The following SEMA4D variants were observed in gnomAD, a reference collection of about 807,000 sequenced individuals.
SEMA4D encodes semaphorin 4D.
Under a neutral mutation model 74.8 loss-of-function variants are expected in SEMA4D, and 22 were observed. The observed-to-expected ratio is 0.29, with a 90% CI of 0.21 to 0.42. The LOEUF is 0.42. SEMA4D is among the 10% of genes least tolerant of loss of function. SEMA4D has a pLI of 1.00. For synonymous variants in SEMA4D, 445 were observed against 463.7 expected, an observed-to-expected ratio of 0.96 and a Z score of 0.52; for missense variants, 937 against 1,118.4, an observed-to-expected ratio of 0.84 and a Z score of 2.31.
chr9:89,364,307 C>T, intron 16 of SEMA4D: 1 of 371,556 alleles, frequency 2.7e-6, no homozygotes, highest in South Asian at 2.3e-5. Flanking sequence ...CCTGCTGCCA[C>T]ACACATGTCC....
chr9:89,419,168 C>T (rs1165310605), intron 2 of SEMA4D, among the ~76,000 whole-genome samples: 1 of 152,160 alleles, frequency 6.6e-6, no homozygotes, highest in African/African-American at 2.4e-5. Context: ...AAATGAACCG[C>T]GAGGGCAGTG....
intron 1 of SEMA4D, among the ~76,000 whole-genome samples, chr9:89,480,183 A>G (rs1824439498): frequency 6.6e-6 from 1 of 152,016 alleles, no homozygotes; most frequent in Admixed American, 6.6e-5. Context: ...TCCCTGAGCT[A>G]GATATAAAGG....
At chr9:89,424,299 C>T (rs1020496375) in intron 2 of SEMA4D, among the ~76,000 whole-genome samples, 2 of 152,214 alleles carry the variant, frequency 1.3e-5, no homozygotes, top group African/African-American at 4.8e-5. Context: ...GCGGCCCACA[C>T]CAAGGTGCGG....
chr9:89,383,523 C>G (rs1450866610), intron 13 of SEMA4D, among the ~76,000 whole-genome samples: 2 of 152,262 alleles, frequency 1.3e-5, no homozygotes, highest in East Asian at 3.9e-4. Flanking sequence ...AGGAACAGAG[C>G]AGAAGCCGAG....
At chr9:89,457,241 CA>C (rs58717267) in intron 1 of SEMA4D, among the ~76,000 whole-genome samples, 1,808 of 152,228 alleles carry the variant, frequency 0.012, 32 homozygotes, top group African/African-American at 0.041. Context: ...CAGCGCCTGA[CA>C]GGTGGGGAGC....
At chr9:89,485,806 A>T (rs1337707442) in intron 1 of SEMA4D, among the ~76,000 whole-genome samples, 1 of 109,022 alleles carries the variant, frequency 9.2e-6, no homozygotes, top group Non-Finnish European at 2.1e-5. Flanking sequence ...AAAAAAAAAA[A>T]AAAAAAAAGA....
chr9:89,415,564 C>A (rs776345407), intron 2 of SEMA4D, among the ~76,000 whole-genome samples: 1 of 152,182 alleles, frequency 6.6e-6, no homozygotes, highest in Non-Finnish European at 1.5e-5. Flanking sequence ...GGAAGTAGTG[C>A]CCCTATAAAA....
chr9:89,381,436 G>A lies in SEMA4D; in HGVS notation c.1447-90C>T. ...CTTCTGCACCAGTGTGTGGGAAGCA[G>A]CCAGAGTGTACCTTCAGGGGACATT... On this transcript the variant is annotated intron_variant, in intron 13 of 15. Transcript: ENST00000422704. This position sits in a 1 kb window ranked among gnomAD's most constrained non-coding sequence, Gnocchi z 4.6. The A allele has an allele frequency of 7.8e-7, 1 of 1,276,770 alleles. No homozygotes were observed. Among genetic ancestry groups the A allele is most frequent in the Admixed American group, 2.9e-5 (1 of 34,488 alleles). The allele number at this position is 1,276,770 out of a possible 1,614,324, so 79.1% of individuals were successfully genotyped here.
At chr9:89,388,405 C>G (rs1309288270) in intron 11 of SEMA4D, among the ~76,000 whole-genome samples, 1 of 152,260 alleles carries the variant, frequency 6.6e-6, no homozygotes, top group Non-Finnish European at 1.5e-5. Flanking sequence ...GTTAATTGTG[C>G]AAAACAGCTG....
At chr9:89,371,537 GGGGTGTGTTT>G (rs1299443790) in intron 16 of SEMA4D, among the ~76,000 whole-genome samples, 27 of 27,160 alleles carry the variant, frequency 9.9e-4, no homozygotes, top group Non-Finnish European at 1.4e-3. Flanking sequence ...TGTGTGTGTG[GGGGTGTGTTT>G]GGGGTGTGGT....
rs879523341 is a variant in SEMA4D, at chr9:89,378,931, T to C, written c.2362A>G (p.Ser788Gly). The change falls in exon 16 of 16, where the codon AGC becomes GGC. Residue 788 changes from serine (S) to glycine (G), a missense_variant. Ser to Gly is a moderately conservative substitution (Grantham distance 56). Coordinates refer to ENST00000422704, the MANE Select transcript of SEMA4D (RefSeq NM_001371194.2). ...PKSDFCDREQ[S>G]LKETLVEPGS... The stretch of plus-strand genomic sequence containing the variant: ...GGCTCTACTAACGTCTCCTTCAGGC[T>C]CTGCTCACGGTCACAGAAATCTGAC... 9.9e-6 allele frequency: 16 copies of C among 1,614,124 alleles called. No homozygotes were observed. The Admixed American group carries it at 2.5e-4, about 25-fold the overall frequency.
Position 89,484,988 on chromosome 9 carries a change from T to TGTG in SEMA4D, c.-310+12930_-310+12931insCAC, listed in dbSNP as rs1825061107. On this transcript the variant is annotated intron_variant, in intron 1 of 15. Coordinates refer to ENST00000422704, the MANE Select transcript of SEMA4D (RefSeq NM_001371194.2). This position sits in a 1 kb window ranked among gnomAD's most constrained non-coding sequence, Gnocchi z 4.1. ...GGTGGAGGCATATGTGTGTAGTATG[T>TGTG]TGTGTGTGTGTGTGTGTGTGTGTTC... Among the ~76,000 whole-genome samples, 2 of 149,724 alleles carry TGTG rather than the reference T, an allele frequency of 1.3e-5. No homozygotes were observed. The highest frequency in any genetic ancestry group is 4.9e-5 in the African/African-American group (2 of 40,604).
intron 1 of SEMA4D, among the ~76,000 whole-genome samples, chr9:89,482,088 G>A (rs913227175): frequency 6.6e-6 from 1 of 152,202 alleles, no homozygotes; most frequent in African/African-American, 2.4e-5. Context: ...AAAGTAGTGG[G>A]CCATGGAGCC....
chr9:89,388,949 A>G lies in SEMA4D; in HGVS notation c.873T>C (p.Asn291=), dbSNP rs1839190620. The G allele has an allele frequency of 1.3e-5, 21 of 1,613,954 alleles. No homozygotes were observed. Among genetic ancestry groups the G allele is most frequent in the Non-Finnish European group, 1.7e-5 (20 of 1,179,962 alleles). Residue 291 remains asparagine (N), a synonymous_variant, in exon 10 of 16, where the codon AAT becomes AAC. Coordinates refer to ENST00000422704, the MANE Select transcript of SEMA4D (RefSeq NM_001371194.2). ...CSRPDSGLVF[N]VLRDVFVLRS... is the part of the protein sequence containing the mutation. ...TGAGCACGAAGACATCCCGCAGCAC[A>G]TTGAAGACCAAGCCGCTGTCTGGCC...
rs143607659 is a variant in SEMA4D, at chr9:89,423,883, T to C, written c.-243-18184A>G. On this transcript the variant is annotated intron_variant, in intron 2 of 15. Transcript: ENST00000422704. ...CTCAGCACCTCCCCTCCCTCAGCTATTCCCTCAGCACCTCCTCTCCCTCCA... is the reference window on the plus strand; with the variant it reads ...CTCAGCACCTCCCCTCCCTCAGCTACTCCCTCAGCACCTCCTCTCCCTCCA... Among the ~76,000 whole-genome samples, 277 of 78,252 alleles carry C rather than the reference T, an allele frequency of 3.5e-3. 1 individual carries two copies. The highest frequency in any genetic ancestry group is 0.012 in the African/African-American group (241 of 20,006). 51.3% of individuals were successfully genotyped at this position (78,252 alleles called of 152,430 possible).
chr9:89,397,046 C>T (rs1048810502), intron 5 of SEMA4D, among the ~76,000 whole-genome samples: 1 of 152,224 alleles, frequency 6.6e-6, no homozygotes, highest in Non-Finnish European at 1.5e-5. Flanking sequence ...CTGGCCTGTT[C>T]TCGTACAGTG....
intron 16 of SEMA4D, among the ~76,000 whole-genome samples, chr9:89,371,965 T>TCTGG (rs202180970): frequency 7.9e-6 from 1 of 126,268 alleles, no homozygotes; most frequent in African/African-American, 3.1e-5. Context: ...GTGGTGTGTG[T>TCTGG]GGGGTGTGGT....
Position 89,428,787 on chromosome 9 carries a change from C to A in SEMA4D, c.-243-23088G>T, listed in dbSNP as rs76970815. ...AGACATCCCCCAGAAGAGCAAAAAA[C>A]CAGATCCCAGTATGGGCTGGCCATA... On this transcript the variant is annotated intron_variant, in intron 2 of 15. Coordinates refer to ENST00000422704, the MANE Select transcript of SEMA4D (RefSeq NM_001371194.2). Among the ~76,000 whole-genome samples the A allele has an allele frequency of 3.0e-3, 450 of 152,372 alleles. 1 individual carries two copies. The highest frequency in any genetic ancestry group is 0.01 in the African/African-American group (429 of 41,594).
intron 2 of SEMA4D, among the ~76,000 whole-genome samples, chr9:89,407,164 A>T (rs953476606): frequency 5.3e-5 from 8 of 152,216 alleles, no homozygotes; most frequent in African/African-American, 1.9e-4. Context: ...TTCCGAGGTT[A>T]CTTGGGTTGG....
Sources: gnomAD v4.1 joint callset for allele counts (sites outside exome capture counted in the v4.1 genomes callset) on GRCh38, gnomAD v4.1.1 for gene constraint, Gnocchi (gnomAD v3.1) non-coding constraint, MANE v1.5 for transcripts, NCBI Gene and HGNC (gene_info 2026-07-23, HGNC 2026-07-21) for gene names.